Variants in FAAH2 observed in about 807,000 individuals in gnomAD.
FAAH2 encodes fatty-acid amide hydrolase 2.
Under a neutral mutation model 36.9 loss-of-function variants are expected in FAAH2, and 60 were observed. That is an observed-to-expected ratio of 1.63 (90% CI 1.32 to 2.02). The LOEUF (loss-of-function observed/expected upper bound fraction) is 2.02, where lower values mean the gene tolerates loss of function less well. Among genes scored for constraint, FAAH2 ranks in the 30% most tolerant of loss-of-function variants. FAAH2 has a pLI of 0.00. For missense variants in FAAH2, 689 were observed against 397.5 expected, an observed-to-expected ratio of 1.73 and a Z score of -6.23; for synonymous variants, 214 against 143.8, an observed-to-expected ratio of 1.49 and a Z score of -3.49.
At chrX:57,149,627 A>G in the FAAH2 span, among the ~76,000 whole-genome samples, 9 of 110,217 alleles carry the variant, frequency 8.2e-5, no homozygotes, top group Non-Finnish European at 1.5e-4. Flanking sequence ...TTTTTATTGC[A>G]TCTATTTGAT....
chrX:57,313,734 C>A (rs190012707), intron 3 of FAAH2, among the ~76,000 whole-genome samples: 11 of 110,611 alleles, frequency 9.9e-5, no homozygotes, highest in Non-Finnish European at 1.9e-5. Context: ...CTAGACCAAC[C>A]TTACATGAGG....
At chrX:57,433,179 A>G (rs1241907132) in intron 8 of FAAH2, among the ~76,000 whole-genome samples, 1 of 111,591 alleles carries the variant, frequency 9.0e-6, no homozygotes, top group African/African-American at 3.2e-5. Context: ...CTTCCAGAAG[A>G]CACTGTCTTA....
the FAAH2 span, chrX:57,137,080 C>T: frequency 1.3e-6 from 1 of 792,500 alleles, no homozygotes; most frequent in Admixed American, 6.9e-5. Context: ...TATTCCTACC[C>T]CCTTTCCCTG....
At chrX:57,258,935 T>G in the FAAH2 span, among the ~76,000 whole-genome samples, 1 of 108,676 alleles carries the variant, frequency 9.2e-6, no homozygotes, top group Non-Finnish European at 1.9e-5. Context: ...TTAGCCAGGA[T>G]GGTCTCATCT....
At chrX:57,203,278 C>G in the FAAH2 span, among the ~76,000 whole-genome samples, 1 of 112,276 alleles carries the variant, frequency 8.9e-6, no homozygotes, top group African/African-American at 3.2e-5. Context: ...TGGGCTCTGG[C>G]TAGTTATCTG....
the FAAH2 span, among the ~76,000 whole-genome samples, chrX:57,238,029 A>G: frequency 1.8e-5 from 2 of 111,815 alleles, no homozygotes; most frequent in Admixed American, 9.5e-5. Flanking sequence ...AGAAAAAGGA[A>G]CACTTATACA....
At chrX:57,406,073 T>G (rs1157812739) in intron 7 of FAAH2, among the ~76,000 whole-genome samples, 1 of 110,842 alleles carries the variant, frequency 9.0e-6, no homozygotes, top group Non-Finnish European at 1.9e-5. Flanking sequence ...GAAGCAGCTG[T>G]CACTTCTTAG....
At chrX:57,152,475 G>A in the FAAH2 span, among the ~76,000 whole-genome samples, 6 of 112,516 alleles carry the variant, frequency 5.3e-5, no homozygotes, top group South Asian at 3.7e-4. Context: ...AATGGCAGGC[G>A]CCCCTCCCCC....
Position 57,420,042 on chromosome X carries a change from T to G in FAAH2, c.997-11876T>G, listed in dbSNP as rs1357173002. 5.4e-5 allele frequency among the ~76,000 whole-genome samples: 6 copies of G among 111,797 alleles called. No homozygotes were observed. In the East Asian group the frequency reaches 1.4e-3, roughly 26 times the overall value. ...TCAGATAGTTGTAGATATGTGGCATTCTTTCTGAGGGCTCTGTTCTTTTCC... is the reference window on the plus strand; with the variant it reads ...TCAGATAGTTGTAGATATGTGGCATGCTTTCTGAGGGCTCTGTTCTTTTCC... On this transcript the variant is annotated intron_variant, in intron 7 of 10. Coordinates refer to ENST00000374900, the MANE Select transcript of FAAH2 (RefSeq NM_174912.4).
chrX:57,352,088 ATATG>A (rs2054029520), intron 5 of FAAH2, among the ~76,000 whole-genome samples: 5 of 22,581 alleles, frequency 2.2e-4, no homozygotes, highest in Non-Finnish European at 2.6e-4. Flanking sequence ...ATGTGTATAT[ATATG>A]CACATATATA....
chrX:57,435,763 G>A (rs2056397997), intron 8 of FAAH2, among the ~76,000 whole-genome samples: 1 of 110,743 alleles, frequency 9.0e-6, no homozygotes, highest in Non-Finnish European at 1.9e-5. Context: ...CTTCAACTGC[G>A]CACTCACAGC....
the FAAH2 span, among the ~76,000 whole-genome samples, chrX:57,232,616 T>G: frequency 1.8e-5 from 2 of 112,491 alleles, no homozygotes; most frequent in Non-Finnish European, 3.8e-5. Flanking sequence ...GGCTCTCTAG[T>G]CTCTCTCGTA....
In FAAH2 at chrX:57,465,439, C is replaced by T. The variant is rs2057031789; in HGVS notation, c.1423+16721C>T. 2.7e-5 allele frequency among the ~76,000 whole-genome samples: 3 copies of T among 111,143 alleles called. No individual in the cohort carries two copies. In the South Asian group the frequency reaches 1.1e-3, roughly 41 times the overall value. ...AAATAAATGAAAAATTCAAAAGTAG[C>T]AAAGAAAAATAACCTACCCATCAAC... is the stretch of plus-strand genomic sequence containing the variant. On this transcript the variant is annotated intron_variant, in intron 10 of 10. Transcript: ENST00000374900.
chrX:57,349,072 T>TA (rs397708998), intron 5 of FAAH2, among the ~76,000 whole-genome samples: 3 of 96,726 alleles, frequency 3.1e-5, no homozygotes, highest in Non-Finnish European at 6.1e-5. Context: ...TATATATATA[T>TA]TATATATACA....
the FAAH2 span, among the ~76,000 whole-genome samples, chrX:57,205,032 T>C: frequency 8.9e-6 from 1 of 112,394 alleles, no homozygotes; most frequent in Non-Finnish European, 1.9e-5. Flanking sequence ...GGCAGGAGAC[T>C]CCTGATTGGC....
intron 2 of FAAH2, among the ~76,000 whole-genome samples, chrX:57,293,836 C>T (rs976428956): frequency 9.1e-6 from 1 of 110,314 alleles, no homozygotes; most frequent in Non-Finnish European, 1.9e-5. Flanking sequence ...GGAGAGGGTG[C>T]TTGTGGGTAA....
intron 7 of FAAH2, among the ~76,000 whole-genome samples, chrX:57,417,851 C>T (rs771167958): frequency 8.9e-6 from 1 of 112,052 alleles, no homozygotes; most frequent in Admixed American, 9.5e-5. Context: ...CCCCCAGGTT[C>T]TCTATCTCAG....
intron 7 of FAAH2, among the ~76,000 whole-genome samples, chrX:57,431,529 G>A (rs2056294008): frequency 9.0e-6 from 1 of 111,208 alleles, no homozygotes; most frequent in Non-Finnish European, 1.9e-5. Flanking sequence ...AGAGAAGCTA[G>A]AACTTTACAA....
Position 57,286,735 on chromosome X carries a change from A to C in FAAH2, c.-91A>C, listed in dbSNP as rs17251337. 0.022 allele frequency: 19,202 copies of C among 889,765 alleles called. 209 individuals carry two copies. The highest frequency in any genetic ancestry group is 0.025 in the Non-Finnish European group (17,115 of 686,144). 73.3% of individuals were successfully genotyped at this position (889,765 alleles called of 1,213,427 possible). On this transcript the variant is annotated 5_prime_UTR_variant, in exon 1 of 11. Coordinates refer to ENST00000374900, the MANE Select transcript of FAAH2 (RefSeq NM_174912.4). The stretch of plus-strand genomic sequence containing the variant: ...ACTGGACTTGTAAACGAAAAGCTTC[A>C]TAAGTCCCTCTTTGCTTAGTACTTT...
Sources: allele counts gnomAD v4.1 joint callset (sites outside exome capture counted in the v4.1 genomes callset), GRCh38; gene constraint gnomAD v4.1.1; transcripts MANE v1.5; gene names NCBI Gene and HGNC (gene_info 2026-07-23, HGNC 2026-07-21).